The following DPH6 variants were observed in gnomAD, a reference collection of about 807,000 sequenced individuals.
DPH6 encodes the protein diphthamine biosynthesis 6.
In DPH6, 33 loss-of-function variants were observed where a neutral mutation model predicts 38.2. That is an observed-to-expected ratio of 0.86 (90% CI 0.65 to 1.15). The LOEUF is 1.15. Ranked by LOEUF, DPH6 falls within the 50% of genes most tolerant of loss-of-function variation. The probability of loss-of-function intolerance (pLI) is 0.00; values close to 1 mark genes in which losing one functional copy is unlikely to be tolerated. For missense variants in DPH6, 325 were observed against 320.0 expected, an observed-to-expected ratio of 1.02 and a Z score of -0.12; for synonymous variants, 108 against 103.0, an observed-to-expected ratio of 1.05 and a Z score of -0.30.
chr15:35,506,740 A>G (rs1304192367), intron 3 of DPH6, among the ~76,000 whole-genome samples: 2 of 152,182 alleles, frequency 1.3e-5, no homozygotes, highest in Non-Finnish European at 2.9e-5. Context: ...TAATGAACCA[A>G]TTATGAGCCA....
chr15:35,473,913 A>AGTGTGTGT (rs58549209), intron 3 of DPH6, among the ~76,000 whole-genome samples: 342 of 126,882 alleles, frequency 2.7e-3, no homozygotes, highest in African/African-American at 5.4e-3. Flanking sequence ...CACTGTGCAC[A>AGTGTGTGT]GTGTGTGTGT....
chr15:35,403,849 C>T (rs907383875), intron 6 of DPH6, among the ~76,000 whole-genome samples: 4 of 149,768 alleles, frequency 2.7e-5, no homozygotes, highest in Admixed American at 2.0e-4. Context: ...TACCCATTAA[C>T]CATCTCCAAC....
At chr15:35,248,902 A>G (rs1184025496) in intron 3 of DPH6, among the ~76,000 whole-genome samples, 4 of 152,238 alleles carry the variant, frequency 2.6e-5, no homozygotes, top group African/African-American at 9.6e-5. Context: ...TTATATAATT[A>G]AAGGGCAAGT....
At chr15:35,390,667 T>G (rs2053042269) in intron 6 of DPH6, among the ~76,000 whole-genome samples, 1 of 152,230 alleles carries the variant, frequency 6.6e-6, no homozygotes, top group African/African-American at 2.4e-5. Context: ...GTCACGTAGT[T>G]CTCATGCCAT....
intron 3 of DPH6, among the ~76,000 whole-genome samples, chr15:35,335,258 T>C (rs1185526118): frequency 6.6e-6 from 1 of 152,108 alleles, no homozygotes; most frequent in East Asian, 1.9e-4. Flanking sequence ...TTATTTCCTG[T>C]AAATTTAAGT....
intron 5 of DPH6, among the ~76,000 whole-genome samples, chr15:35,424,975 T>C (rs2053550374): frequency 6.6e-6 from 1 of 151,602 alleles, no homozygotes; most frequent in Non-Finnish European, 1.5e-5. Flanking sequence ...AGACCCTGTG[T>C]TGTGAGATAG....
intron 3 of DPH6, among the ~76,000 whole-genome samples, chr15:35,276,516 T>A (rs1198084321): frequency 1.3e-5 from 2 of 152,232 alleles, no homozygotes; most frequent in East Asian, 3.8e-4. Flanking sequence ...CCTAAGCCAA[T>A]GTCTAGAAGG....
At chr15:35,501,235 C>A (rs1042253531) in intron 3 of DPH6, among the ~76,000 whole-genome samples, 2 of 152,086 alleles carry the variant, frequency 1.3e-5, no homozygotes, top group Non-Finnish European at 2.9e-5. Context: ...TAGAGACTTA[C>A]TTTCACATTT....
intron 3 of DPH6, among the ~76,000 whole-genome samples, chr15:35,252,631 T>A (rs1244076495): frequency 6.6e-6 from 1 of 152,244 alleles, no homozygotes; most frequent in Non-Finnish European, 1.5e-5. Context: ...AATTAATGCT[T>A]GTGTGCCTCC....
intron 3 of DPH6, among the ~76,000 whole-genome samples, chr15:35,321,700 A>G (rs562103517): frequency 2.0e-5 from 3 of 152,350 alleles, no homozygotes; most frequent in African/African-American, 7.2e-5. Context: ...GATTTTTCTA[A>G]AAGAGGTCCT....
chr15:35,423,780 C>A (rs1460829000), intron 5 of DPH6, among the ~76,000 whole-genome samples: 1 of 151,620 alleles, frequency 6.6e-6, no homozygotes, highest in African/African-American at 2.4e-5. Context: ...CCACTTCTTC[C>A]ACATGTAGAT....
chr15:35,249,248 T>C (rs117540851), intron 3 of DPH6, among the ~76,000 whole-genome samples: 2,970 of 152,250 alleles, frequency 0.02, 46 homozygotes, highest in Non-Finnish European at 0.028. Flanking sequence ...ACCTCCTCTA[T>C]TCCTGTAGAT....
intron 3 of DPH6, among the ~76,000 whole-genome samples, chr15:35,460,628 C>T (rs1479872913): frequency 6.6e-6 from 1 of 152,198 alleles, no homozygotes; most frequent in Non-Finnish European, 1.5e-5. Context: ...AGTTACTGCT[C>T]TCAACAACGC....
intron 5 of DPH6, among the ~76,000 whole-genome samples, chr15:35,418,922 A>G (rs904921277): frequency 2.0e-5 from 3 of 152,088 alleles, no homozygotes; most frequent in Admixed American, 6.6e-5. Flanking sequence ...TGTAGCCTAG[A>G]GTTTTACTGT....
intron 6 of DPH6, among the ~76,000 whole-genome samples, chr15:35,397,342 T>C (rs2140970204): frequency 6.6e-6 from 1 of 152,366 alleles, no homozygotes; most frequent in African/African-American, 2.4e-5. Flanking sequence ...ATAATTTTGC[T>C]CTTCCATCTA....
At chr15:35,205,579 G>A in the DPH6 span, among the ~76,000 whole-genome samples, 2 of 152,034 alleles carry the variant, frequency 1.3e-5, no homozygotes, top group African/African-American at 2.4e-5. Context: ...TTAGTATAGA[G>A]TTTCTATTTG....
intron 5 of DPH6, among the ~76,000 whole-genome samples, chr15:35,442,791 A>G (rs964328665): frequency 2.7e-4 from 41 of 152,228 alleles, no homozygotes; most frequent in African/African-American, 9.6e-4. Flanking sequence ...TAGGATTCCA[A>G]TTATATGAGA....
intron 6 of DPH6, among the ~76,000 whole-genome samples, chr15:35,393,229 A>C (rs1339192896): frequency 6.6e-6 from 1 of 152,180 alleles, no homozygotes; most frequent in African/African-American, 2.4e-5. Context: ...GGCAAGTAGC[A>C]ATGGGGATGG....
chr15:35,412,816 G>A (rs1354659365), intron 5 of DPH6, among the ~76,000 whole-genome samples: 1 of 151,636 alleles, frequency 6.6e-6, no homozygotes, highest in Non-Finnish European at 1.5e-5. Context: ...GATTGCCAGG[G>A]GTTTTGGGTA....
Sources: allele counts gnomAD v4.1 joint callset (sites outside exome capture counted in the v4.1 genomes callset), GRCh38; gene constraint gnomAD v4.1.1; transcripts MANE v1.5; gene names NCBI Gene and HGNC (gene_info 2026-07-23, HGNC 2026-07-21).